C6: variants seen among roughly 807,000 people sequenced by gnomAD.
The protein encoded by C6 is complement component C6.
Under a neutral mutation model 112.9 loss-of-function variants are expected in C6, and 101 were observed. That is an observed-to-expected ratio of 0.89 (90% CI 0.76 to 1.06). The LOEUF (loss-of-function observed/expected upper bound fraction) is 1.06, where lower values mean the gene tolerates loss of function less well. Among genes scored for constraint, C6 ranks in the 50% least tolerant of loss-of-function variants. The pLI, the probability that C6 is intolerant of heterozygous loss-of-function variation, is 0.00. For missense variants in C6, 1,202 were observed against 1,104.6 expected (o/e 1.09, Z -1.25); for synonymous variants, 431 against 384.1 (o/e 1.12, Z -1.43).
At chr5:41,156,462 C>T (rs966413947) in intron 13 of C6, among the ~76,000 whole-genome samples, 2 of 152,130 alleles carry the variant, frequency 1.3e-5, no homozygotes, top group African/African-American at 4.8e-5. Context: ...TTTACACAGG[C>T]CTTAATTCTT....
At chr5:41,204,939 G>A (rs1243278980) in intron 1 of C6, among the ~76,000 whole-genome samples, 1 of 152,018 alleles carries the variant, frequency 6.6e-6, no homozygotes, top group East Asian at 1.9e-4. Context: ...AAAGTGCTGG[G>A]ATTATCAGTA....
chr5:41,205,969 G>T (rs1751405831), intron 1 of C6, among the ~76,000 whole-genome samples: 1 of 152,212 alleles, frequency 6.6e-6, no homozygotes, highest in Admixed American at 6.5e-5. Flanking sequence ...ACACCTCCCA[G>T]TACGGGCCGA....
Position 41,144,513 on chromosome 5 carries a change from T to G in C6, c.2624-1507A>C, listed in dbSNP as rs116148054. The stretch of plus-strand genomic sequence containing the variant: ...AACTCCTGAGCTCAACTGATCCTCC[T>G]GCCTTGGTGTCCCAAAGTGCTGGGA... On this transcript the variant is annotated intron_variant, in intron 17 of 17. Coordinates refer to ENST00000337836, the MANE Select transcript of C6 (RefSeq NM_000065.5). 2.9e-3 allele frequency among the ~76,000 whole-genome samples: 448 copies of G among 152,302 alleles called. 2 individuals are homozygous for G. Among genetic ancestry groups the G allele is most frequent in the African/African-American group, 0.01 (423 of 41,576 alleles).
chr5:41,218,666 CAA>C (rs1437085633), intron 1 of C6, among the ~76,000 whole-genome samples: 4 of 152,230 alleles, frequency 2.6e-5, no homozygotes, highest in South Asian at 4.1e-4. Flanking sequence ...GCCCCTTGGA[CAA>C]AGTGATAGGC....
intron 5 of C6, among the ~76,000 whole-genome samples, chr5:41,191,067 C>T (rs1328449595): frequency 7.1e-4 from 60 of 84,742 alleles, no homozygotes; most frequent in African/African-American, 1.2e-3. Flanking sequence ...ATGCCTTTGG[C>T]TTTTTTTTTT....
At chr5:41,158,920 A>T in intron 12 of C6, 135 bp from the exon 13 acceptor site, 1 of 1,077,710 alleles carries the variant, frequency 9.3e-7, no homozygotes, top group African/African-American at 1.6e-5. Flanking sequence ...CACACAGAAA[A>T]AGGCACGGCA....
At chr5:41,167,943 C>A (rs1164917236) in intron 9 of C6, among the ~76,000 whole-genome samples, 3 of 152,072 alleles carry the variant, frequency 2.0e-5, no homozygotes, top group Admixed American at 6.6e-5. Flanking sequence ...AGCAGTAGAC[C>A]ATCTACATGA....
intron 1 of C6, among the ~76,000 whole-genome samples, chr5:41,210,065 C>T (rs561629538): frequency 3.3e-4 from 50 of 152,076 alleles, no homozygotes; most frequent in African/African-American, 1.2e-3. Flanking sequence ...TAATACCACA[C>T]GTCTACAGCC....
chr5:41,149,401 C>A lies in C6; in HGVS notation c.2463G>T (p.Glu821Asp). ...GGAGTTGCTGATTATTTAAACATTT[C>A]TCAGCCAAAAACTTACAAGCGGGTG... is the stretch of plus-strand genomic sequence containing the variant. ...FTSPACKFLA[E>D]KCLNNQQLHF... Residue 821 changes from glutamate (E) to aspartate (D), a missense_variant, in exon 17 of 18, where the codon GAG (glutamate) becomes GAT (aspartate). Transcript: ENST00000337836. 2 of 1,614,088 alleles carry A rather than the reference C, an allele frequency of 1.2e-6. No individual in the cohort carries two copies. Among genetic ancestry groups the A allele is most frequent in the Non-Finnish European group, 1.7e-6 (2 of 1,179,966 alleles).
chr5:41,205,448 G>A (rs916988028), intron 1 of C6, among the ~76,000 whole-genome samples: 1 of 152,200 alleles, frequency 6.6e-6, no homozygotes, highest in Admixed American at 6.5e-5. Flanking sequence ...ATGTGCAAGG[G>A]GTCGGGGAAT....
chr5:41,162,343 T>C (rs1196238885), intron 9 of C6, among the ~76,000 whole-genome samples: 4 of 152,148 alleles, frequency 2.6e-5, no homozygotes, highest in Admixed American at 6.6e-5. Flanking sequence ...TGGCTTCTGA[T>C]AGCCAGTCAA....
intron 1 of C6, among the ~76,000 whole-genome samples, chr5:41,258,003 A>AT (rs902231098): frequency 3.3e-5 from 5 of 152,042 alleles, no homozygotes; most frequent in African/African-American, 4.8e-5. Flanking sequence ...TAATTAACTC[A>AT]TTTTTTTCTA....
At chr5:41,163,659 A>T (rs1168626242) in intron 9 of C6, among the ~76,000 whole-genome samples, 3 of 152,166 alleles carry the variant, frequency 2.0e-5, no homozygotes, top group African/African-American at 7.2e-5. Flanking sequence ...GGAAGATAAA[A>T]GTTCTGTTTG....
chr5:41,208,796 G>A (rs1580197355), intron 1 of C6, among the ~76,000 whole-genome samples: 1 of 151,976 alleles, frequency 6.6e-6, no homozygotes, highest in Admixed American at 6.6e-5. Flanking sequence ...AGAGGTACAA[G>A]GAGGAGCTGG....
intron 17 of C6, among the ~76,000 whole-genome samples, chr5:41,144,914 C>A (rs1482816045): frequency 6.6e-6 from 1 of 152,184 alleles, no homozygotes; most frequent in East Asian, 1.9e-4. Context: ...AAGACATGAT[C>A]TCATTGTTTT....
intron 1 of C6, among the ~76,000 whole-genome samples, chr5:41,256,439 A>T (rs1741709374): frequency 1.1e-5 from 1 of 93,352 alleles, no homozygotes; most frequent in Admixed American, 1.2e-4. Flanking sequence ...TAAAAAAAAA[A>T]AAGTAAAAAA....
At chr5:41,198,910 G>C (rs7443604) in intron 4 of C6, among the ~76,000 whole-genome samples, 1 of 151,994 alleles carries the variant, frequency 6.6e-6, no homozygotes, top group South Asian at 2.1e-4. Flanking sequence ...TTCGGATTTT[G>C]CTCTGATTCC....
At chr5:41,189,014 GC>G (rs1328302747) in intron 5 of C6, among the ~76,000 whole-genome samples, 5 of 151,850 alleles carry the variant, frequency 3.3e-5, no homozygotes, top group African/African-American at 1.2e-4. Flanking sequence ...TGACTAATAA[GC>G]ATGTGAAAAA....
chr5:41,231,251 T>C (rs188777448), intron 1 of C6, among the ~76,000 whole-genome samples: 117 of 152,278 alleles, frequency 7.7e-4, no homozygotes, highest in Non-Finnish European at 5.6e-4. Flanking sequence ...AATTGCTTCT[T>C]ATTTTGTAGG....
Sources: allele counts gnomAD v4.1 joint callset (sites outside exome capture counted in the v4.1 genomes callset), GRCh38; gene constraint gnomAD v4.1.1; transcripts MANE v1.5; gene names NCBI Gene and HGNC (gene_info 2026-07-23, HGNC 2026-07-21).